Variants in CENPW observed in about 807,000 individuals in gnomAD.
The protein encoded by CENPW is cancer-up-regulated gene 2 protein.
A neutral mutation model predicts 11.1 loss-of-function variants in CENPW; 3 were observed. That is an observed-to-expected ratio of 0.27 (90% CI 0.12 to 0.70). The LOEUF is 0.70. CENPW is among the 30% of genes least tolerant of loss of function. The probability of loss-of-function intolerance (pLI) is 0.77; values close to 1 mark genes in which losing one functional copy is unlikely to be tolerated. For missense variants in CENPW, 100 were observed against 105.6 expected, an observed-to-expected ratio of 0.95 and a Z score of 0.23; for synonymous variants, 38 against 42.0, an observed-to-expected ratio of 0.91 and a Z score of 0.37.
the CENPW span, among the ~76,000 whole-genome samples, chr6:126,459,299 TAG>T: frequency 6.6e-6 from 1 of 151,432 alleles, no homozygotes; most frequent in African/African-American, 2.4e-5. Flanking sequence ...GAAACTTTGC[TAG>T]AGAGTCTATA....
chr6:126,476,632 C>A, the CENPW span, among the ~76,000 whole-genome samples: 1 of 151,886 alleles, frequency 6.6e-6, no homozygotes, highest in Non-Finnish European at 1.5e-5. Flanking sequence ...AATTCTGATA[C>A]GGGATTGTAA....
the CENPW span, among the ~76,000 whole-genome samples, chr6:126,480,778 G>A: frequency 2.6e-5 from 4 of 152,008 alleles, no homozygotes; most frequent in South Asian, 6.2e-4. Flanking sequence ...TGGACTGTTA[G>A]ATTTTCTCAG....
At chr6:126,481,720 T>C in the CENPW span, among the ~76,000 whole-genome samples, 1 of 152,070 alleles carries the variant, frequency 6.6e-6, no homozygotes, top group African/African-American at 2.4e-5. Flanking sequence ...ATTTAAACCA[T>C]AGCATACATG....
chr6:126,424,954 T>C, the CENPW span, among the ~76,000 whole-genome samples: 6 of 152,074 alleles, frequency 3.9e-5, no homozygotes, highest in Non-Finnish European at 5.9e-5. Flanking sequence ...TTTTCTTTGT[T>C]TGTTTCCTGA....
At chr6:126,472,573 C>T in the CENPW span, among the ~76,000 whole-genome samples, 1 of 152,176 alleles carries the variant, frequency 6.6e-6, no homozygotes, top group African/African-American at 2.4e-5. Flanking sequence ...TGAGGGACAT[C>T]TGGATTGTTT....
the CENPW span, among the ~76,000 whole-genome samples, chr6:126,364,964 T>C: frequency 6.6e-6 from 1 of 152,172 alleles, no homozygotes; most frequent in Non-Finnish European, 1.5e-5. Context: ...ATCAAGAAAC[T>C]AAGATTCAGA....
the CENPW span, among the ~76,000 whole-genome samples, chr6:126,439,815 G>C: frequency 6.6e-6 from 1 of 151,470 alleles, no homozygotes; most frequent in African/African-American, 2.4e-5. Flanking sequence ...TATTCCCCTG[G>C]AATCATTAAA....
At chr6:126,410,294 G>T in the CENPW span, among the ~76,000 whole-genome samples, 3 of 151,662 alleles carry the variant, frequency 2.0e-5, no homozygotes, top group African/African-American at 7.3e-5. Flanking sequence ...TTTTGTTTTC[G>T]TTCAGCACTT....
chr6:126,474,761 G>A, the CENPW span, among the ~76,000 whole-genome samples: 1 of 152,102 alleles, frequency 6.6e-6, no homozygotes, highest in Non-Finnish European at 1.5e-5. Context: ...ACTCACCTGT[G>A]ATCTCTATCC....
At chr6:126,440,534 T>C in the CENPW span, among the ~76,000 whole-genome samples, 1 of 151,528 alleles carries the variant, frequency 6.6e-6, no homozygotes, top group African/African-American at 2.4e-5. Context: ...TAAAAGGCAA[T>C]CTAGAATTCA....
chr6:126,372,961 T>A, the CENPW span, among the ~76,000 whole-genome samples: 1 of 152,248 alleles, frequency 6.6e-6, no homozygotes, highest in African/African-American at 2.4e-5. Flanking sequence ...GCTTTGTTTA[T>A]GGATGCAACT....
the CENPW span, among the ~76,000 whole-genome samples, chr6:126,390,492 T>A: frequency 3.9e-5 from 6 of 152,094 alleles, no homozygotes; most frequent in African/African-American, 1.4e-4. Context: ...TTAGTTATTT[T>A]AAAATGTACA....
chr6:126,428,980 C>T, the CENPW span, among the ~76,000 whole-genome samples: 1 of 152,068 alleles, frequency 6.6e-6, no homozygotes, highest in Non-Finnish European at 1.5e-5. Context: ...TTTCAGTTAA[C>T]ACAAAGAGCA....
chr6:126,342,700 T>C (rs1780337327), intron 1 of CENPW, among the ~76,000 whole-genome samples: 1 of 152,156 alleles, frequency 6.6e-6, no homozygotes, highest in African/African-American at 2.4e-5. Context: ...TTCTCCATCA[T>C]CTATTGTCAC....
At chr6:126,443,481 G>A in the CENPW span, among the ~76,000 whole-genome samples, 1 of 151,224 alleles carries the variant, frequency 6.6e-6, no homozygotes. Context: ...AGATGGTAAT[G>A]TGTACTTTTA....
At chr6:126,452,228 C>A in the CENPW span, among the ~76,000 whole-genome samples, 1 of 151,024 alleles carries the variant, frequency 6.6e-6, no homozygotes, top group Admixed American at 6.6e-5. Context: ...GGATTTAATT[C>A]AAAATAACGT....
At chr6:126,386,964 C>A in the CENPW span, among the ~76,000 whole-genome samples, 7 of 151,774 alleles carry the variant, frequency 4.6e-5, no homozygotes, top group Non-Finnish European at 8.8e-5. Flanking sequence ...TTAAACATCA[C>A]TAATTTAAAA....
chr6:126,465,257 A>G, the CENPW span, among the ~76,000 whole-genome samples: 14 of 152,166 alleles, frequency 9.2e-5, no homozygotes, highest in East Asian at 2.7e-3. Context: ...AAAGATTAAA[A>G]TTAAAAACAG....
the CENPW span, among the ~76,000 whole-genome samples, chr6:126,400,923 T>G: frequency 6.6e-6 from 1 of 152,144 alleles, no homozygotes; most frequent in African/African-American, 2.4e-5. Flanking sequence ...TCAGAAATTC[T>G]TGGTGTGAAT....
Sources: allele counts gnomAD v4.1 joint callset (sites outside exome capture counted in the v4.1 genomes callset), GRCh38; gene constraint gnomAD v4.1.1; transcripts MANE v1.5; gene names NCBI Gene and HGNC (gene_info 2026-07-23, HGNC 2026-07-21).